The following DGAT1 variants were observed in gnomAD, a reference collection of about 807,000 sequenced individuals.
The protein encoded by DGAT1 is diacylglycerol O-acyltransferase 1.
In DGAT1, 60 loss-of-function variants were observed where a neutral mutation model predicts 72.6. That is an observed-to-expected ratio of 0.83 (90% CI 0.67 to 1.02). The LOEUF (loss-of-function observed/expected upper bound fraction) is 1.02, where lower values mean the gene tolerates loss of function less well. DGAT1 is among the 50% of genes least tolerant of loss of function. The probability of loss-of-function intolerance (pLI) is 0.00; values close to 1 mark genes in which losing one functional copy is unlikely to be tolerated. For missense variants in DGAT1, 592 were observed against 670.0 expected, an observed-to-expected ratio of 0.88 and a Z score of 1.29; for synonymous variants, 290 against 267.5, an observed-to-expected ratio of 1.08 and a Z score of -0.82.
rs1817323305 is a variant in DGAT1, at chr8:144,318,345, G to A, written c.592C>T (p.Leu198=). 2.5e-6 allele frequency: 4 copies of A among 1,611,796 alleles called. No individual in the cohort carries two copies. The highest frequency in any genetic ancestry group is 3.4e-6 in the Non-Finnish European group (4 of 1,179,232). ...AGGAAGAGGATGGTGTGCGCCATCA[G>A]CGCCAGCAGGGAGCCCACTGCAGGA... is the stretch of plus-strand genomic sequence containing the variant. ...SITPVGSLLA[L]MAHTILFLKL... The change falls in exon 7 of 17, where the codon CTG becomes TTG. Residue 198 remains leucine (L), a synonymous_variant. Transcript: ENST00000528718.
intron 2 of DGAT1, among the ~76,000 whole-genome samples, chr8:144,319,860 C>T (rs1157868684): frequency 3.3e-5 from 5 of 152,204 alleles, no homozygotes; most frequent in African/African-American, 4.8e-5. Flanking sequence ...GGCTGACCAC[C>T]CGGAGCTCGG....
At chr8:144,319,993 G>A (rs1817400601) in intron 2 of DGAT1, among the ~76,000 whole-genome samples, 1 of 152,220 alleles carries the variant, frequency 6.6e-6, no homozygotes, top group Non-Finnish European at 1.5e-5. Context: ...GAGACACAAG[G>A]GCTACTGCCC....
At chr8:144,322,715 C>T (rs1817492390) in intron 1 of DGAT1, among the ~76,000 whole-genome samples, 1 of 152,222 alleles carries the variant, frequency 6.6e-6, no homozygotes, top group Non-Finnish European at 1.5e-5. Context: ...TCACACCTTT[C>T]CCTCTGCCCA....
In DGAT1 at chr8:144,324,208, A is replaced by G. The variant is rs1477602136; in HGVS notation, c.200+2229T>C. The stretch of plus-strand genomic sequence containing the variant: ...AGAAAGGAGCTCACACCCAGAGCCC[A>G]GCCCTAGGTGAGCAGGAAGTGTCCG... On this transcript the variant is annotated intron_variant, in intron 1 of 16. Coordinates refer to ENST00000528718, the MANE Select transcript of DGAT1 (RefSeq NM_012079.6). Among the ~76,000 whole-genome samples the G allele has an allele frequency of 2.6e-5, 4 of 152,208 alleles. No individual in the cohort carries two copies. The East Asian group carries it at 7.7e-4, about 29-fold the overall frequency.
rs782781856 is a variant in DGAT1, at chr8:144,319,075, G to C, written c.289-7C>G. On this transcript the variant is annotated splice_region_variant and splice_polypyrimidine_tract_variant and intron_variant, in intron 2 of 16. Coordinates refer to ENST00000528718, the MANE Select transcript of DGAT1 (RefSeq NM_012079.6). ...ACCGGGCATTGCTCAAGATCTGCGAGGGATGGACAGGAGGGTGCAGCCCCT... is the reference window on the plus strand; with the variant it reads ...ACCGGGCATTGCTCAAGATCTGCGACGGATGGACAGGAGGGTGCAGCCCCT... 12 of 1,553,194 alleles carry C rather than the reference G, an allele frequency of 7.7e-6. No individual in the cohort carries two copies. The highest frequency in any genetic ancestry group is 3.6e-5 in the South Asian group (3 of 84,144).
intron 1 of DGAT1, among the ~76,000 whole-genome samples, chr8:144,322,240 G>A (rs1554848245): frequency 6.6e-6 from 1 of 152,182 alleles, no homozygotes; most frequent in Non-Finnish European, 1.5e-5. Flanking sequence ...AGGACAGCAA[G>A]AGCTTGGCCA....
rs782343457 is a variant in DGAT1, at chr8:144,317,901, C to G, written c.855+13G>C. 29 of 1,530,676 alleles carry G rather than the reference C, an allele frequency of 1.9e-5. No individual in the cohort carries two copies. Among genetic ancestry groups the G allele is most frequent in the Non-Finnish European group, 2.4e-5 (27 of 1,140,828 alleles). 94.8% of individuals were successfully genotyped at this position (1,530,676 alleles called of 1,614,324 possible). On this transcript the variant is annotated intron_variant, in intron 9 of 16. Transcript: ENST00000528718. ...CCTAGCCTCCAGTGGCTGCCCCCAG[C>G]CCCCAACCTCACCATCTCAAGGATC...
intron 16 of DGAT1, 32 bp from the exon 17 acceptor site, chr8:144,316,741 T>C (rs782247345): frequency 1.2e-6 from 2 of 1,607,150 alleles, no homozygotes; most frequent in South Asian, 2.2e-5. Context: ...CAGTCGGCCA[T>C]GGTGACCACA....
chr8:144,324,231 C>T (rs1817536305), intron 1 of DGAT1, among the ~76,000 whole-genome samples: 1 of 152,056 alleles, frequency 6.6e-6, no homozygotes, highest in African/African-American at 2.4e-5. Context: ...CAGGAAGTGT[C>T]CGTGAGGGGA....
At position 144,317,783 on chromosome 8, in the gene DGAT1, C is replaced by A. The variant is rs1259181312; in HGVS notation, c.894+1G>T. 1.2e-6 allele frequency: 2 copies of A among 1,613,112 alleles called. No individual in the cohort carries two copies. The highest frequency in any genetic ancestry group is 1.7e-6 in the Non-Finnish European group (2 of 1,179,710). ...ACCCAACCCTGCCCTACCCCACTTA[C>A]CTGCTGGATCAGCCCCACCTGGAGC... On this transcript the variant is annotated splice_donor_variant, in intron 10 of 16. Coordinates refer to ENST00000528718, the MANE Select transcript of DGAT1 (RefSeq NM_012079.6). LOFTEE classifies it high-confidence loss of function.
In DGAT1 at chr8:144,316,355, C is replaced by T. The variant is rs1817220378; in HGVS notation, c.*199G>A. The T allele has an allele frequency of 2.9e-6, 2 of 679,770 alleles. No individual in the cohort carries two copies. The highest frequency in any genetic ancestry group is 4.2e-5 in the South Asian group (2 of 47,456). 42.1% of individuals were successfully genotyped at this position (679,770 alleles called of 1,614,324 possible). A position where few individuals can be genotyped will look rare whatever the true frequency, so the allele number is the denominator to read the frequency against. On this transcript the variant is annotated 3_prime_UTR_variant, in exon 17 of 17. Transcript: ENST00000528718. ...CAGGGTCAGCAAGACTCCCAGCTGG[C>T]ATCAGACTGTGTCTGGCCTGCTGTC... is the stretch of plus-strand genomic sequence containing the variant.
Position 144,315,599 on chromosome 8 carries a change from G to T in DGAT1, c.*955C>A. 4.1e-6 allele frequency: 4 copies of T among 985,704 alleles called. No individual in the cohort carries two copies. Among genetic ancestry groups the T allele is most frequent in the Non-Finnish European group, 4.8e-6 (4 of 830,122 alleles). The allele number at this position is 985,704 out of a possible 1,614,324, so 61.1% of individuals were successfully genotyped here. A position where few individuals can be genotyped will look rare whatever the true frequency, so the allele number is the denominator to read the frequency against. ...CCCCTGACCTCCCGCTACCATCAAG[G>T]GGGGCCCCATCTATCCAGCTTGGTG... is the stretch of plus-strand genomic sequence containing the variant. On this transcript the variant is annotated 3_prime_UTR_variant, in exon 17 of 17. Coordinates refer to ENST00000528718, the MANE Select transcript of DGAT1 (RefSeq NM_012079.6).
Position 144,316,638 on chromosome 8 carries a change from G to A in DGAT1, c.1383C>T (p.Leu461=), listed in dbSNP as rs150991570. The change falls in exon 17 of 17, where the codon CTC becomes CTT. Residue 461 remains leucine (L), a synonymous_variant. Coordinates refer to ENST00000528718, the MANE Select transcript of DGAT1 (RefSeq NM_012079.6). ...GGACGGCTATTGGCTGTCCGATGAT[G>A]AGCGACAGCCACACAGCTGCGTTGC... The part of the protein sequence containing the change: ...NYGNAAVWLS[L]IIGQPIAVLM... 1.1e-5 allele frequency: 17 copies of A among 1,609,986 alleles called. No individual in the cohort carries two copies. The African/African-American group carries it at 1.9e-4, about 18-fold the overall frequency.
At chr8:144,319,183 C>T in intron 2 of DGAT1, 115 bp from the exon 3 acceptor site, 1 of 1,239,850 alleles carries the variant, frequency 8.1e-7, no homozygotes, top group Non-Finnish European at 1.1e-6. Context: ...GCGGCAGCCT[C>T]AGGCTTGCAG....
rs781814142 is a variant in DGAT1, at chr8:144,316,715, G to T, written c.1312-6C>A. The stretch of plus-strand genomic sequence containing the variant: ...ACGAACCAGGCCAGTGGGATCTAGG[G>T]AGTGAGGGGCCAAGTCAGTCGGCCA... On this transcript the variant is annotated splice_region_variant and splice_polypyrimidine_tract_variant and intron_variant, in intron 16 of 16. Coordinates refer to ENST00000528718, the MANE Select transcript of DGAT1 (RefSeq NM_012079.6). 1 of 1,610,934 alleles carries T rather than the reference G, an allele frequency of 6.2e-7. No individual in the cohort carries two copies. Among genetic ancestry groups the T allele is most frequent in the Non-Finnish European group, 8.5e-7 (1 of 1,178,870 alleles).
rs1817150746 is a variant in DGAT1 at position 144,315,087 on chromosome 8, T to A, written c.*1467A>T. 4 of 985,404 alleles carry A rather than the reference T, an allele frequency of 4.1e-6. No homozygotes were observed. Among genetic ancestry groups the A allele is most frequent in the Non-Finnish European group, 4.8e-6 (4 of 829,914 alleles). 61.0% of individuals were successfully genotyped at this position (985,404 alleles called of 1,614,324 possible). ...GGGAGCCTGTCCCGTAGCTTTAGGG[T>A]TCTCCACTCAGCCTGGTGGAGGAAG... On this transcript the variant is annotated 3_prime_UTR_variant, in exon 17 of 17. Coordinates refer to ENST00000528718, the MANE Select transcript of DGAT1 (RefSeq NM_012079.6).
intron 2 of DGAT1, among the ~76,000 whole-genome samples, chr8:144,320,257 A>C (rs782090196): frequency 8.1e-4 from 123 of 152,318 alleles, no homozygotes; most frequent in Non-Finnish European, 1.0e-3. Flanking sequence ...AGGCAGGCCC[A>C]AGGGGTTGGG....
At position 144,317,572 on chromosome 8, in the gene DGAT1, C is replaced by T. The variant is rs782127562; in HGVS notation, c.953G>A (p.Arg318His). The T allele has an allele frequency of 6.2e-6, 10 of 1,613,896 alleles. No homozygotes were observed. Among genetic ancestry groups the T allele is most frequent in the East Asian group, 2.2e-5 (1 of 44,890 alleles). The change falls in exon 12 of 17, where the codon CGC (arginine) becomes CAC (histidine). Residue 318 changes from arginine to histidine, a missense_variant. Transcript: ENST00000528718. The stretch of plus-strand genomic sequence containing the variant: ...CAGCTTCAGGAGGCGCTCGATGATG[C>T]GTGAGTAGTCCATGTCCTGCAGAAA... The part of the protein sequence containing the change: ...MKPFKDMDYS[R>H]IIERLLKLAV...
Position 144,317,052 on chromosome 8 carries a change from C to CCCTGTCCTGG in DGAT1, c.1208_1217dup (p.Val407GlnfsTer79), listed in dbSNP as rs782385704. On this transcript the variant is annotated frameshift_variant, in exon 15 of 17. Transcript: ENST00000528718. LOFTEE classifies it high-confidence loss of function. ...GGAAGAAGGCCGAGGCCAGGAACAC[C>CCCTGTCCTGG]CCTGTCCTGGCCATCCACTTGCTGC... The CCCTGTCCTGG allele has an allele frequency of 1.9e-6, 3 of 1,612,626 alleles. No homozygotes were observed. The highest frequency in any genetic ancestry group is 1.3e-5 in the African/African-American group (1 of 74,892).
Sources: gnomAD v4.1 joint callset for allele counts (sites outside exome capture counted in the v4.1 genomes callset) on GRCh38, gnomAD v4.1.1 for gene constraint, MANE v1.5 for transcripts, NCBI Gene and HGNC (gene_info 2026-07-23, HGNC 2026-07-21) for gene names.